Variants in SMIM8 observed in about 807,000 individuals in gnomAD.
SMIM8 encodes small integral membrane protein 8, also known as UPF0708 protein C6orf162.
In SMIM8, 8 loss-of-function variants were observed where a neutral mutation model predicts 8.1. That is an observed-to-expected ratio of 0.99 (90% CI 0.58 to 1.78). The LOEUF (loss-of-function observed/expected upper bound fraction) is 1.78, where lower values mean the gene tolerates loss of function less well. SMIM8 is among the 40% of genes most tolerant of loss of function. The probability of loss-of-function intolerance (pLI) is 0.00; values close to 1 mark genes in which losing one functional copy is unlikely to be tolerated. For synonymous variants in SMIM8, 45 were observed against 39.7 expected (o/e 1.13, Z -0.50); for missense variants, 126 against 119.8 (o/e 1.05, Z -0.24).
At chr6:87,324,232 C>G (rs1283458629) in intron 1 of SMIM8, among the ~76,000 whole-genome samples, 1 of 152,132 alleles carries the variant, frequency 6.6e-6, no homozygotes. Context: ...GTTGCCTGTT[C>G]ACTCTGATGG....
intron 2 of SMIM8, among the ~76,000 whole-genome samples, 184 bp from the exon 3 acceptor site, chr6:87,336,825 T>C (rs533062405): frequency 1.1e-3 from 164 of 152,006 alleles, no homozygotes; most frequent in Non-Finnish European, 2.2e-3. Context: ...ATGAACAAAA[T>C]TAACAAATTA....
intron 1 of SMIM8, among the ~76,000 whole-genome samples, chr6:87,326,273 G>A (rs553453662): frequency 6.6e-6 from 1 of 152,088 alleles, no homozygotes; most frequent in Non-Finnish European, 1.5e-5. Context: ...TCCTTTAGTT[G>A]TGCTCTGATT....
intron 3 of SMIM8, among the ~76,000 whole-genome samples, chr6:87,338,715 C>T (rs923165995): frequency 6.6e-6 from 1 of 152,080 alleles, no homozygotes; most frequent in Non-Finnish European, 1.5e-5. Context: ...AGTAGTGGTA[C>T]AGCAGGTATG....
At position 87,340,289 on chromosome 6, in the gene SMIM8, G is replaced by T. The variant is rs778112786; in HGVS notation, c.*15G>T. On this transcript the variant is annotated 3_prime_UTR_variant, in exon 4 of 4. Transcript: ENST00000392863. Reference sequence around the variant, plus strand: ...AATGGGATTAGTAGTGCTGGTTAGTGCAGATGGACCTTTATTAAAGGTTCT... The same window carrying T: ...AATGGGATTAGTAGTGCTGGTTAGTTCAGATGGACCTTTATTAAAGGTTCT... The T allele has an allele frequency of 4.4e-5, 68 of 1,561,036 alleles. 1 individual carries two copies. In the Middle Eastern group the frequency reaches 2.2e-3, roughly 51 times the overall value.
intron 3 of SMIM8, among the ~76,000 whole-genome samples, chr6:87,339,089 G>C (rs909154164): frequency 1.3e-5 from 2 of 152,052 alleles, no homozygotes; most frequent in Non-Finnish European, 2.9e-5. Context: ...CGGATCACTT[G>C]AAGTCAGGAG....
chr6:87,332,786 T>C (rs972248092), intron 2 of SMIM8, among the ~76,000 whole-genome samples: 1 of 31,740 alleles, frequency 3.2e-5, no homozygotes, highest in Admixed American at 1.9e-4. Flanking sequence ...ATATTTGCTT[T>C]TTCAGGCCTT....
chr6:87,324,301 T>C (rs559559051), intron 1 of SMIM8, among the ~76,000 whole-genome samples: 26 of 152,376 alleles, frequency 1.7e-4, no homozygotes, highest in African/African-American at 3.8e-4. Context: ...ATTTTGGCTT[T>C]GGTTGCTATT....
At chr6:87,338,003 A>T (rs1028686544) in intron 3 of SMIM8, among the ~76,000 whole-genome samples, 1 of 152,206 alleles carries the variant, frequency 6.6e-6, no homozygotes, top group African/African-American at 2.4e-5. Context: ...TATGATAAAT[A>T]TTTAAGTGTG....
At chr6:87,326,585 G>C (rs1208130811) in intron 1 of SMIM8, among the ~76,000 whole-genome samples, 1 of 148,908 alleles carries the variant, frequency 6.7e-6, no homozygotes, top group African/African-American at 2.5e-5. Context: ...TTTTGAGTGA[G>C]ATTCTTAATC....
chr6:87,337,205 C>G (rs1233496108), intron 3 of SMIM8, 39 bp downstream of exon 3: 1 of 1,526,138 alleles, frequency 6.6e-7, no homozygotes, highest in African/African-American at 1.4e-5. Flanking sequence ...GTGTTTAATC[C>G]AACCAGACTG....
At chr6:87,331,312 A>G (rs1481733086) in intron 2 of SMIM8, among the ~76,000 whole-genome samples, 1 of 152,192 alleles carries the variant, frequency 6.6e-6, no homozygotes, top group African/African-American at 2.4e-5. Context: ...CCATGCCTTG[A>G]CTTTATGATT....
At chr6:87,329,522 C>T (rs1392838802) in intron 1 of SMIM8, among the ~76,000 whole-genome samples, 2 of 150,156 alleles carry the variant, frequency 1.3e-5, no homozygotes, top group Non-Finnish European at 3.0e-5. Context: ...TGATCCTGAC[C>T]TCAAGCAATC....
At chr6:87,335,668 T>C (rs1482091068) in intron 2 of SMIM8, among the ~76,000 whole-genome samples, 1 of 151,240 alleles carries the variant, frequency 6.6e-6, no homozygotes, top group Non-Finnish European at 1.5e-5. Flanking sequence ...AATATTGATT[T>C]TATAAAGTCT....
rs1313122067 is a variant in SMIM8 at position 87,340,290 on chromosome 6, C to T, written c.*16C>T. 1 of 1,551,422 alleles carries T rather than the reference C, an allele frequency of 6.4e-7. No individual in the cohort carries two copies. The highest frequency in any genetic ancestry group is 8.7e-7 in the Non-Finnish European group (1 of 1,155,156). ...ATGGGATTAGTAGTGCTGGTTAGTG[C>T]AGATGGACCTTTATTAAAGGTTCTG... On this transcript the variant is annotated 3_prime_UTR_variant, in exon 4 of 4. Coordinates refer to ENST00000392863, the MANE Select transcript of SMIM8 (RefSeq NM_001042493.3).
At chr6:87,329,733 T>C (rs58646133) in intron 1 of SMIM8, among the ~76,000 whole-genome samples, 11,638 of 152,136 alleles carry the variant, frequency 0.076, 974 homozygotes, top group African/African-American at 0.21. Flanking sequence ...AAGAGTAAGA[T>C]GGGGTGAGGT....
At chr6:87,339,097 G>A (rs187042246) in intron 3 of SMIM8, among the ~76,000 whole-genome samples, 1 of 152,108 alleles carries the variant, frequency 6.6e-6, no homozygotes, top group Admixed American at 6.5e-5. Flanking sequence ...TTGAAGTCAG[G>A]AGTTTGAAAC....
intron 2 of SMIM8, among the ~76,000 whole-genome samples, chr6:87,334,153 A>T (rs1777053297): frequency 1.3e-5 from 2 of 152,178 alleles, no homozygotes; most frequent in Admixed American, 1.3e-4. Context: ...TTCATGAGGG[A>T]TCTGCTCCCA....
rs9450657 is a variant in SMIM8 at position 87,325,892 on chromosome 6, C to G, written c.-45+3260C>G. On this transcript the variant is annotated intron_variant, in intron 1 of 3. Transcript: ENST00000392863. ...TAGAATTCGGCTGTGAAGCCATCTG[C>G]TCCTGGACTCTTTTTGGTTGGTAAG... Among the ~76,000 whole-genome samples the G allele has an allele frequency of 6.2e-3, 945 of 152,224 alleles. 8 individuals carry two copies. The highest frequency in any genetic ancestry group is 0.018 in the African/African-American group (747 of 41,516).
intron 1 of SMIM8, among the ~76,000 whole-genome samples, chr6:87,328,606 T>G (rs527819876): frequency 2.6e-5 from 4 of 152,294 alleles, no homozygotes; most frequent in Non-Finnish European, 2.9e-5. Flanking sequence ...GCAGTCTGCC[T>G]GTTCTCAGAT....
Sources: gnomAD v4.1 joint callset for allele counts (sites outside exome capture counted in the v4.1 genomes callset) on GRCh38, gnomAD v4.1.1 for gene constraint, MANE v1.5 for transcripts, NCBI Gene and HGNC (gene_info 2026-07-23, HGNC 2026-07-21) for gene names.